PCDHGA8: variants seen among roughly 807,000 people sequenced by gnomAD.
The protein encoded by PCDHGA8 is protocadherin gamma-A8.
A neutral mutation model predicts 59.2 loss-of-function variants in PCDHGA8; 45 were observed. That is an observed-to-expected ratio of 0.76 (90% CI 0.60 to 0.98). PCDHGA8 has a LOEUF of 0.98. PCDHGA8 is among the 50% of genes least tolerant of loss of function. The probability of loss-of-function intolerance (pLI) is 0.00; values close to 1 mark genes in which losing one functional copy is unlikely to be tolerated. For missense variants in PCDHGA8, 1,257 were observed against 1,196.2 expected (o/e 1.05, Z -0.75); for synonymous variants, 531 against 519.0 (o/e 1.02, Z -0.32).
intron 1 of PCDHGA8, among the ~76,000 whole-genome samples, chr5:141,483,553 C>G (rs955671854): frequency 2.0e-5 from 3 of 152,230 alleles, no homozygotes; most frequent in Admixed American, 2.0e-4. Context: ...CAGTGCCATT[C>G]ACAGAGACAG....
At chr5:141,427,191 G>A (rs749528616) in intron 1 of PCDHGA8, 1 of 456,716 alleles carries the variant, frequency 2.2e-6, no homozygotes, top group South Asian at 1.5e-5. Flanking sequence ...TAAATCCAAA[G>A]ACTTAATAGA....
At chr5:141,478,513 G>A in intron 1 of PCDHGA8, 1 of 1,611,520 alleles carries the variant, frequency 6.2e-7, no homozygotes. Context: ...TCTATAGGCA[G>A]GTGTTGGGTG....
At chr5:141,409,632 C>G (rs1279542488) in intron 1 of PCDHGA8, 1 of 1,613,848 alleles carries the variant, frequency 6.2e-7, no homozygotes, top group East Asian at 2.2e-5. Context: ...GTGAGCGCCT[C>G]TGACCCGGAT....
intron 1 of PCDHGA8, chr5:141,478,470 G>A (rs753075137): frequency 1.2e-6 from 2 of 1,613,686 alleles, no homozygotes; most frequent in Non-Finnish European, 1.7e-6. Context: ...CTGGCCAGCC[G>A]CCAGAACACG....
rs543209695 is a variant in PCDHGA8 at position 141,431,563 on chromosome 5, C to T, written c.2424+36326C>T. 24 of 1,614,026 alleles carry T rather than the reference C, an allele frequency of 1.5e-5. No individual in the cohort carries two copies. Among genetic ancestry groups the T allele is most frequent in the Non-Finnish European group, 1.9e-5 (23 of 1,180,046 alleles). ...AGCTGCTTGTAGTCAACGCTACCGA[C>T]CCTGACGAAGGAGTCAATGCGGAAG... On this transcript the variant is annotated intron_variant, in intron 1 of 3. Transcript: ENST00000398604. The surrounding 1 kb of genome is among the most constrained non-coding windows in gnomAD (Gnocchi z 4.8).
Position 141,393,014 on chromosome 5 carries a change from C to T in PCDHGA8, c.201C>T (p.Val67=), listed in dbSNP as rs761990025. The T allele has an allele frequency of 1.9e-6, 3 of 1,613,736 alleles. No homozygotes were observed. The African/African-American group carries it at 4.0e-5, about 22-fold the overall frequency. Residue 67 remains valine, a synonymous_variant, in exon 1 of 4, where the codon GTC becomes GTT. Transcript: ENST00000398604. The part of the protein sequence containing the change: ...RKLAKHGVRI[V]SRGRTQLFAL... ...TGGCGAAGCACGGAGTCCGTATCGT[C>T]TCCAGAGGTAGGACGCAGCTCTTTG... is the stretch of plus-strand genomic sequence containing the variant.
intron 1 of PCDHGA8, chr5:141,405,594 C>G: frequency 1.7e-6 from 1 of 578,834 alleles, no homozygotes; most frequent in Non-Finnish European, 3.0e-6. Context: ...ACAGGCCTCC[C>G]AAGTAGAATA....
chr5:141,394,067 C>T lies in PCDHGA8; in HGVS notation c.1254C>T (p.Tyr418=), dbSNP rs773390718. Reference sequence around the variant, plus strand: ...TGGACCGAGAAAATGTCTCTATCTACAATATCACAGTGATGGCCTCAGATC... The same window carrying T: ...TGGACCGAGAAAATGTCTCTATCTATAATATCACAGTGATGGCCTCAGATC... ...KYLDRENVSI[Y]NITVMASDLG... Residue 418 remains tyrosine (Y), a synonymous_variant, in exon 1 of 4, where the codon TAC becomes TAT. Coordinates refer to ENST00000398604, the MANE Select transcript of PCDHGA8 (RefSeq NM_032088.2). The T allele has an allele frequency of 1.9e-6, 3 of 1,613,794 alleles. No homozygotes were observed. The highest frequency in any genetic ancestry group is 3.3e-5 in the Admixed American group (2 of 59,982).
intron 1 of PCDHGA8, chr5:141,398,587 C>A (rs2093675414): frequency 6.2e-7 from 1 of 1,613,860 alleles, no homozygotes. Flanking sequence ...AAGATTTATA[C>A]TAGAAGTAGC....
At chr5:141,412,001 A>G (rs2095528527) in intron 1 of PCDHGA8, 1 of 151,750 alleles carries the variant, frequency 6.6e-6, no homozygotes, top group Non-Finnish European at 1.5e-5. Flanking sequence ...GCATAGTGAC[A>G]TAAACACTTC....
At chr5:141,414,225 G>A in intron 1 of PCDHGA8, 1 of 1,613,398 alleles carries the variant, frequency 6.2e-7, no homozygotes, top group Non-Finnish European at 8.5e-7. Context: ...ACAGTCCAGA[G>A]CTGACCATCA....
Position 141,393,504 on chromosome 5 carries a change from A to G in PCDHGA8, c.691A>G (p.Thr231Ala), listed in dbSNP as rs369406530. The G allele has an allele frequency of 6.2e-7, 1 of 1,614,036 alleles. No homozygotes were observed. The highest frequency in any genetic ancestry group is 1.3e-5 in the African/African-American group (1 of 75,070). ...PRSSTVRIHV[T>A]VLDTNDNAPV... ...CTCTAGCACAGTGCGCATCCACGTG[A>G]CAGTGTTGGATACAAATGACAATGC... Residue 231 changes from threonine to alanine, a missense_variant, in exon 1 of 4, where the codon ACA becomes GCA. Coordinates refer to ENST00000398604, the MANE Select transcript of PCDHGA8 (RefSeq NM_032088.2).
intron 1 of PCDHGA8, chr5:141,422,581 G>C: frequency 6.2e-7 from 1 of 1,613,984 alleles, no homozygotes; most frequent in Non-Finnish European, 8.5e-7. Context: ...TAACCCTCCC[G>C]TTTTTCCTCA....
At chr5:141,454,034 G>A (rs530844564) in intron 1 of PCDHGA8, among the ~76,000 whole-genome samples, 10 of 152,270 alleles carry the variant, frequency 6.6e-5, no homozygotes, top group African/African-American at 2.4e-4. Context: ...GAATTGGCCA[G>A]CAAAGATAAA....
chr5:141,409,714 C>T (rs1053132512), intron 1 of PCDHGA8: 1 of 1,613,226 alleles, frequency 6.2e-7, no homozygotes, highest in Non-Finnish European at 8.5e-7. Flanking sequence ...TGTCGTCATA[C>T]GTGTCAGTGA....
chr5:141,394,616 C>G lies in PCDHGA8; in HGVS notation c.1803C>G (p.Asn601Lys). Residue 601 changes from asparagine to lysine, a missense_variant, in exon 1 of 4, where the codon AAC becomes AAG. Coordinates refer to ENST00000398604, the MANE Select transcript of PCDHGA8 (RefSeq NM_032088.2). ...CGGTGGACAGAGACTCGGGCCAGAA[C>G]GCCTGGCTGTCCTACCGCCTGCTCA... ...VVAVDRDSGQ[N>K]AWLSYRLLKA... The G allele has an allele frequency of 6.2e-7, 1 of 1,613,490 alleles. No homozygotes were observed. The highest frequency in any genetic ancestry group is 8.5e-7 in the Non-Finnish European group (1 of 1,180,006).
chr5:141,511,028 T>C lies in PCDHGA8; in HGVS notation c.2654T>C (p.Leu885Pro). ...GCCCGCTACGGACCCCAGTTCACCC[T>C]GCAGCACGTGCCCGACTACCGCCAG... ...LSARYGPQFTLQHVPDYRQNV... is the reference protein window; with the variant it reads ...LSARYGPQFTPQHVPDYRQNV... The change falls in exon 4 of 4, where the codon CTG becomes CCG. Residue 885 changes from leucine (L) to proline (P), a missense_variant. Leu to Pro is a moderately conservative substitution (Grantham distance 98, BLOSUM62 -3). Transcript: ENST00000398604. 1 of 1,614,202 alleles carries C rather than the reference T, an allele frequency of 6.2e-7. No homozygotes were observed. Among genetic ancestry groups the C allele is most frequent in the Non-Finnish European group, 8.5e-7 (1 of 1,180,028 alleles).
At chr5:141,451,302 G>A (rs1445994098) in intron 1 of PCDHGA8, among the ~76,000 whole-genome samples, 1 of 152,208 alleles carries the variant, frequency 6.6e-6, no homozygotes, top group Non-Finnish European at 1.5e-5. Context: ...GTCTTACAAG[G>A]CAGCAATTAA....
intron 1 of PCDHGA8, among the ~76,000 whole-genome samples, chr5:141,436,491 T>G (rs546883133): frequency 6.6e-6 from 1 of 152,182 alleles, no homozygotes; most frequent in Non-Finnish European, 1.5e-5. Flanking sequence ...GATAGCAGCT[T>G]TGCAATTAGG....
Sources: gnomAD v4.1 joint callset for allele counts (sites outside exome capture counted in the v4.1 genomes callset) on GRCh38, gnomAD v4.1.1 for gene constraint, Gnocchi (gnomAD v3.1) non-coding constraint, MANE v1.5 for transcripts, NCBI Gene and HGNC (gene_info 2026-07-23, HGNC 2026-07-21) for gene names.